The following CASP8 variants were observed in gnomAD, a reference collection of about 807,000 sequenced individuals.
CASP8 encodes caspase 8, also known as caspase-8.
In CASP8, 24 loss-of-function variants were observed where a neutral mutation model predicts 46.3. That is an observed-to-expected ratio of 0.52 (90% confidence interval 0.38 to 0.73). The LOEUF is 0.73. Among genes scored for constraint, CASP8 ranks in the 30% least tolerant of loss-of-function variants. The probability of loss-of-function intolerance (pLI) is 0.00; values close to 1 mark genes in which losing one functional copy is unlikely to be tolerated. For missense variants in CASP8, 460 were observed against 559.0 expected, an observed-to-expected ratio of 0.82 and a Z score of 1.79; for synonymous variants, 188 against 200.4, an observed-to-expected ratio of 0.94 and a Z score of 0.52.
At chr2:201,271,867 AG>A (rs1316138564) in intron 3 of CASP8, among the ~76,000 whole-genome samples, 2 of 152,242 alleles carry the variant, frequency 1.3e-5, no homozygotes, top group Admixed American at 6.5e-5. Context: ...GATGCAGCCC[AG>A]ACCCGGCAGA....
At position 201,237,948 on chromosome 2, in the gene CASP8, A is replaced by G. The variant is rs190353310; in HGVS notation, c.-27+3836A>G. ...CGATCTCATCAAACAATCTTGATAT[A>G]AACTTAGAGAACAACCTCTTGGCAA... On this transcript the variant is annotated intron_variant, in intron 2 of 6. Coordinates refer to the CASP8 transcript ENST00000264274. 2.6e-5 allele frequency among the ~76,000 whole-genome samples: 4 copies of G among 152,058 alleles called. No individual in the cohort carries two copies. In the East Asian group the frequency reaches 6.1e-4, roughly 23 times the overall value.
At chr2:201,277,025 A>G in intron 7 of CASP8, 57 bp downstream of exon 7, 1 of 1,280,712 alleles carries the variant, frequency 7.8e-7, no homozygotes, top group Non-Finnish European at 1.1e-6. Context: ...TTTTTTTTTA[A>G]ATCAAAAGGG....
chr2:201,268,750 C>T (rs977218146), intron 2 of CASP8, among the ~76,000 whole-genome samples: 6 of 152,116 alleles, frequency 3.9e-5, no homozygotes, highest in African/African-American at 1.4e-4. Flanking sequence ...ATGCCTTTCC[C>T]TGCTTCGGGT....
intron 2 of CASP8, among the ~76,000 whole-genome samples, chr2:201,253,995 C>T (rs559991192): frequency 1.3e-5 from 2 of 151,710 alleles, no homozygotes; most frequent in Non-Finnish European, 2.9e-5. Flanking sequence ...GCAGGAGAAT[C>T]GCTTGAACCC....
intron 7 of CASP8, among the ~76,000 whole-genome samples, chr2:201,278,406 C>T (rs1244069699): frequency 6.6e-6 from 1 of 152,236 alleles, no homozygotes; most frequent in African/African-American, 2.4e-5. Flanking sequence ...CAACATTCCA[C>T]ATTTCCAAAG....
chr2:201,276,963 A>G lies in CASP8; in HGVS notation c.797A>G (p.Asp266Gly). 6.2e-7 allele frequency: 1 copy of G among 1,611,628 alleles called. No individual in the cohort carries two copies. Among genetic ancestry groups the G allele is most frequent in the Non-Finnish European group, 8.5e-7 (1 of 1,177,668 alleles). Residue 266 changes from aspartate (D) to glycine (G), a missense_variant, in exon 7 of 9, where the codon GAT (aspartate) becomes GGT (glycine). Coordinates refer to ENST00000673742, the MANE Select transcript of CASP8 (RefSeq NM_001372051.1). Reference sequence around the variant, plus strand: ...AGGGACAGGAATGGAACACACTTGGATGCAGGTACAGTAGAACCCAAAAGA... The same window carrying G: ...AGGGACAGGAATGGAACACACTTGGGTGCAGGTACAGTAGAACCCAAAAGA... The part of the protein sequence containing the change: ...SIRDRNGTHL[D>G]AGALTTTFEE...
chr2:201,285,837 C>A (rs566200709), intron 8 of CASP8, among the ~76,000 whole-genome samples: 9 of 152,312 alleles, frequency 5.9e-5, no homozygotes, highest in African/African-American at 1.9e-4. Flanking sequence ...AGATAAATAG[C>A]AGGTTCCTTC....
intron 8 of CASP8, among the ~76,000 whole-genome samples, chr2:201,285,986 G>A (rs1949539218): frequency 6.6e-6 from 1 of 152,220 alleles, no homozygotes; most frequent in African/African-American, 2.4e-5. Flanking sequence ...TAGAAGAAGA[G>A]GTTGCCTAAC....
chr2:201,272,884 C>T lies in CASP8; in HGVS notation c.551-14C>T, dbSNP rs780637629. 5 of 1,614,034 alleles carry T rather than the reference C, an allele frequency of 3.1e-6. No homozygotes were observed. The highest frequency in any genetic ancestry group is 4.2e-6 in the Non-Finnish European group (5 of 1,179,942). On this transcript the variant is annotated splice_polypyrimidine_tract_variant and intron_variant, in intron 4 of 8. Coordinates refer to ENST00000673742, the MANE Select transcript of CASP8 (RefSeq NM_001372051.1). This position sits in a 1 kb window ranked among gnomAD's most constrained non-coding sequence, Gnocchi z 4.4. Reference sequence around the variant, plus strand: ...CTAATCAAATATTGTTTGGGGTTTCCCCTTTTAATTCAGAGAGAAGCAGCA... The same window carrying T: ...CTAATCAAATATTGTTTGGGGTTTCTCCTTTTAATTCAGAGAGAAGCAGCA...
chr2:201,244,710 A>G (rs1946437064), intron 2 of CASP8, among the ~76,000 whole-genome samples: 1 of 152,232 alleles, frequency 6.6e-6, no homozygotes, highest in Admixed American at 6.5e-5. Context: ...ATCCATGCTC[A>G]GCACCAAAGG....
chr2:201,257,477 G>C (rs17860417), upstream of CASP8, among the ~76,000 whole-genome samples: 2,520 of 92,342 alleles, frequency 0.027, 39 homozygotes, highest in Non-Finnish European at 0.039. Flanking sequence ...CCGAGACTCC[G>C]TCTCAAAAAA....
chr2:201,276,238 C>T (rs1327710945), intron 6 of CASP8, among the ~76,000 whole-genome samples: 3 of 152,130 alleles, frequency 2.0e-5, no homozygotes, highest in Admixed American at 2.0e-4. Flanking sequence ...ACAGTGTAGC[C>T]AGGACCTCCC....
chr2:201,269,513 C>G, intron 2 of CASP8: 1 of 1,611,898 alleles, frequency 6.2e-7, no homozygotes, highest in Non-Finnish European at 8.5e-7. Flanking sequence ...TTTGAAGGTT[C>G]CACTTCTGCC....
chr2:201,270,799 C>T (rs112756834), intron 2 of CASP8, among the ~76,000 whole-genome samples: 15 of 152,144 alleles, frequency 9.9e-5, no homozygotes, highest in African/African-American at 3.4e-4. Context: ...CCTCCTAATG[C>T]GCTGGAATTA....
rs192797050 is a variant in CASP8 at position 201,240,400 on chromosome 2, C to T, written c.-27+6288C>T. On this transcript the variant is annotated intron_variant, in intron 2 of 6. Coordinates refer to the CASP8 transcript ENST00000264274. The stretch of plus-strand genomic sequence containing the variant: ...TGGCTCTATTTATATCAGACAAAAT[C>T]GACTTTAAGTCAAAAACTGTCACAA... The T allele has an allele frequency of 4.6e-5, 7 of 152,110 alleles. No homozygotes were observed. The East Asian group carries it at 9.6e-4, about 21-fold the overall frequency. 9.4% of individuals were successfully genotyped at this position (152,110 alleles called of 1,614,324 possible).
At chr2:201,260,669 G>A (rs1054581978) in intron 1 of CASP8, 56 bp downstream of exon 1, 1 of 576,058 alleles carries the variant, frequency 1.7e-6, no homozygotes, top group South Asian at 7.6e-5. Context: ...GAAGGCCTTT[G>A]ATTCTGGAGT....
At chr2:201,255,958 A>T (rs190599518), upstream of CASP8, among the ~76,000 whole-genome samples, 55 of 152,220 alleles carry the variant, frequency 3.6e-4, no homozygotes, top group Non-Finnish European at 7.6e-4. Flanking sequence ...GTGTCTCCCT[A>T]TGTTGCCCAG....
intron 2 of CASP8, among the ~76,000 whole-genome samples, chr2:201,253,623 T>C (rs1946885505): frequency 6.6e-6 from 1 of 152,134 alleles, no homozygotes; most frequent in Admixed American, 6.5e-5. Flanking sequence ...TAAAACTGGT[T>C]ACAATGGTAA....
At chr2:201,245,995 G>A (rs913174256) in intron 2 of CASP8, among the ~76,000 whole-genome samples, 3 of 150,648 alleles carry the variant, frequency 2.0e-5, no homozygotes, top group African/African-American at 4.9e-5. Context: ...AGCCTCCCAA[G>A]TAGCTGGGAT....
Sources: allele counts gnomAD v4.1 joint callset (sites outside exome capture counted in the v4.1 genomes callset), GRCh38; gene constraint gnomAD v4.1.1; non-coding constraint Gnocchi (gnomAD v3.1); transcripts MANE v1.5; gene names NCBI Gene and HGNC (gene_info 2026-07-23, HGNC 2026-07-21).